Variants in DOP1A observed in about 807,000 individuals in gnomAD.
DOP1A encodes DOP1 leucine zipper like protein A, also known as protein DOP1A.
DOP1A carries 90 observed loss-of-function variants against 267.6 expected under a neutral mutation model. The observed-to-expected ratio is 0.34, with a 90% CI of 0.28 to 0.40. DOP1A has a LOEUF of 0.40. Ranked by LOEUF, DOP1A falls within the 10% of genes least tolerant of loss-of-function variation. The pLI, the probability that DOP1A is intolerant of heterozygous loss-of-function variation, is 1.00. For synonymous variants in DOP1A, 932 were observed against 999.1 expected (o/e 0.93, Z 1.27); for missense variants, 2,437 against 2,900.4 (o/e 0.84, Z 3.67).
At position 83,124,695 on chromosome 6, in the gene DOP1A, G is replaced by A; in HGVS notation, c.1341-10G>A. The A allele has an allele frequency of 6.2e-7, 1 of 1,601,054 alleles. No homozygotes were observed. Among genetic ancestry groups the A allele is most frequent in the Non-Finnish European group, 8.5e-7 (1 of 1,169,596 alleles). On this transcript the variant is annotated splice_polypyrimidine_tract_variant and intron_variant, in intron 12 of 38. Coordinates refer to ENST00000349129, the MANE Select transcript of DOP1A (RefSeq NM_015018.4). ...CAGTATACTTAATAAAGTGAATTTT[G>A]TCCTTTTAGGAGGACACTGCATGTG...
chr6:83,127,954 A>G (rs1777455972), intron 15 of DOP1A, among the ~76,000 whole-genome samples: 2 of 152,170 alleles, frequency 1.3e-5, no homozygotes, highest in Admixed American at 6.5e-5. Context: ...TAACTAGTGA[A>G]TGGCAGAGCC....
At chr6:83,110,346 A>G (rs1233137515) in intron 6 of DOP1A, 32 bp downstream of exon 6, 1 of 1,596,430 alleles carries the variant, frequency 6.3e-7, no homozygotes. Context: ...CTCATTTCAC[A>G]AATATTTCTT....
intron 1 of DOP1A, among the ~76,000 whole-genome samples, chr6:83,088,419 CTTTTTTTTTTT>C (rs746293399): frequency 8.7e-6 from 1 of 115,584 alleles, no homozygotes; most frequent in Non-Finnish European, 1.7e-5. Flanking sequence ...TGTCTTCCAT[CTTTTTTTTTTT>C]TTTTTTTTTT....
rs113920873 is a variant in DOP1A at position 83,073,144 on chromosome 6, A to G, written c.-147+5365A>G. ...TTTGCCCAGGCTGGAGTGCAGTGGC[A>G]TGATCTCGGCTCACTGCAACCTCTA... On this transcript the variant is annotated intron_variant, in intron 1 of 38. Transcript: ENST00000349129. 1,403 of 188,266 alleles carry G rather than the reference A, an allele frequency of 7.5e-3. 19 individuals are homozygous for G. Among genetic ancestry groups the G allele is most frequent in the African/African-American group, 0.032 (1,325 of 41,970 alleles). 11.7% of individuals were successfully genotyped at this position (188,266 alleles called of 1,614,324 possible).
At chr6:83,139,643 A>G (rs73749713) in intron 21 of DOP1A, among the ~76,000 whole-genome samples, 1,762 of 152,258 alleles carry the variant, frequency 0.012, 42 homozygotes, top group African/African-American at 0.041. Flanking sequence ...GTTCCAGTAG[A>G]CTGTCATTTT....
At chr6:83,105,488 C>G (rs1773457607) in intron 4 of DOP1A, among the ~76,000 whole-genome samples, 1 of 150,970 alleles carries the variant, frequency 6.6e-6, no homozygotes, top group African/African-American at 2.4e-5. Flanking sequence ...TCTCAGCCTC[C>G]CAAGTAGCTA....
intron 25 of DOP1A, among the ~76,000 whole-genome samples, chr6:83,145,878 A>G (rs1030322866): frequency 2.0e-5 from 3 of 152,220 alleles, no homozygotes; most frequent in Non-Finnish European, 4.4e-5. Context: ...AACTGCTCAT[A>G]TCTTCATATG....
At position 83,086,954 on chromosome 6, in the gene DOP1A, G is replaced by A. The variant is rs535756054; in HGVS notation, c.-146-9777G>A. ...TAGTTTTAGACCATGAGAGATTCGG[G>A]GGGTAGACTTTAGGCTGTAGACAGG... is the stretch of plus-strand genomic sequence containing the variant. On this transcript the variant is annotated intron_variant, in intron 1 of 38. Transcript: ENST00000349129. Among the ~76,000 whole-genome samples the A allele has an allele frequency of 2.6e-5, 4 of 152,118 alleles. No individual in the cohort carries two copies. In the South Asian group the frequency reaches 6.2e-4, roughly 24 times the overall value.
Position 83,159,970 on chromosome 6 carries a change from A to G in DOP1A, c.6962+10A>G, listed in dbSNP as rs766131092. 1.2e-6 allele frequency: 2 copies of G among 1,613,490 alleles called. No homozygotes were observed. The highest frequency in any genetic ancestry group is 4.5e-5 in the East Asian group (2 of 44,892). Reference sequence around the variant, plus strand: ...TTCCTCAGTTTCAGATGTAAGTAAAAGCAAGGATATTAAATGGTTATTTTT... The same window carrying G: ...TTCCTCAGTTTCAGATGTAAGTAAAGGCAAGGATATTAAATGGTTATTTTT... On this transcript the variant is annotated intron_variant, in intron 37 of 38. Transcript: ENST00000349129.
chr6:83,093,455 CTATAT>C (rs1770843243), intron 1 of DOP1A, among the ~76,000 whole-genome samples: 1 of 152,130 alleles, frequency 6.6e-6, no homozygotes, highest in Non-Finnish European at 1.5e-5. Flanking sequence ...TACTCATTGG[CTATAT>C]TCTCTAGTGG....
chr6:83,111,081 G>GT (rs1463074926), intron 6 of DOP1A, among the ~76,000 whole-genome samples: 1 of 151,914 alleles, frequency 6.6e-6, no homozygotes, highest in Non-Finnish European at 1.5e-5. Flanking sequence ...CTATAGTTTT[G>GT]TTTTTTCTAG....
At chr6:83,142,510 AAAAT>A (rs776852749) in intron 24 of DOP1A, among the ~76,000 whole-genome samples, 7 of 152,160 alleles carry the variant, frequency 4.6e-5, no homozygotes, top group East Asian at 3.9e-4. Flanking sequence ...TCTTCCTCAA[AAAAT>A]AAATAAATAA....
In DOP1A at chr6:83,113,337, T is replaced by C. The variant is rs1376195128; in HGVS notation, c.696T>C (p.Ser232=). ...SDIELMVEAV[S]TSVQDSSVLV... is the part of the protein sequence containing the mutation. ...TGTTATTTCAGGTAGAAGCAGTAAG[T>C]ACTTCAGTGCAGGACTCAAGTGTAC... is the stretch of plus-strand genomic sequence containing the variant. Residue 232 remains serine (S), a synonymous_variant, in exon 7 of 39, where the codon AGT becomes AGC. Transcript: ENST00000349129. 6.2e-7 allele frequency: 1 copy of C among 1,612,236 alleles called. No homozygotes were observed. The highest frequency in any genetic ancestry group is 1.7e-5 in the Admixed American group (1 of 59,968).
rs757410239 is a variant in DOP1A, at chr6:83,108,927, T to C, written c.338T>C (p.Leu113Pro). Residue 113 changes from leucine (L) to proline (P), a missense_variant, in exon 5 of 39, where the codon CTT becomes CCT. Leu to Pro is a moderately conservative substitution (Grantham distance 98). Transcript: ENST00000349129. ...TTTAATAGTTCTGGATTATTTCCTC[T>C]TCTTGCAAATGCTGCCATGTCTGTG... is the stretch of plus-strand genomic sequence containing the variant. ...LFLYSSGLFP[L>P]LANAAMSVKP... 6.2e-7 allele frequency: 1 copy of C among 1,612,690 alleles called. No homozygotes were observed. The highest frequency in any genetic ancestry group is 1.1e-5 in the South Asian group (1 of 90,818).
intron 38 of DOP1A, 115 bp downstream of exon 38, chr6:83,163,034 A>G: frequency 8.3e-7 from 1 of 1,210,026 alleles, no homozygotes; most frequent in South Asian, 1.8e-5. Flanking sequence ...GCTATTTTGA[A>G]AACAAGTCCC....
At chr6:83,167,836 AC>A (rs1229995849) in intron 38 of DOP1A, 25 bp from the exon 39 acceptor site, 1 of 1,586,668 alleles carries the variant, frequency 6.3e-7, no homozygotes, top group Non-Finnish European at 8.6e-7. Context: ...TTGTATTAAT[AC>A]CAGTTCACTT....
In DOP1A at chr6:83,098,201, A is replaced by G. The variant is rs7741177; in HGVS notation, c.138+1086A>G. On this transcript the variant is annotated intron_variant, in intron 3 of 38. Coordinates refer to ENST00000349129, the MANE Select transcript of DOP1A (RefSeq NM_015018.4). ...TACCCAGCCTATCAAATAGCTTAAC[A>G]TACAAATTAGGAAAGAAGTTTGTCT... Among the ~76,000 whole-genome samples, 4 of 152,206 alleles carry G rather than the reference A, an allele frequency of 2.6e-5. No homozygotes were observed. The East Asian group carries it at 7.7e-4, about 29-fold the overall frequency.
chr6:83,121,471 C>T (rs924119977), intron 10 of DOP1A, among the ~76,000 whole-genome samples: 1 of 151,430 alleles, frequency 6.6e-6, no homozygotes, highest in Non-Finnish European at 1.5e-5. Flanking sequence ...GAAAATTTAG[C>T]CTTATGCATT....
At chr6:83,094,113 T>G (rs537461802) in intron 1 of DOP1A, among the ~76,000 whole-genome samples, 1 of 152,314 alleles carries the variant, frequency 6.6e-6, no homozygotes, top group African/African-American at 2.4e-5. Context: ...ACTAATTTAC[T>G]TTGTCTCTAT....
Sources: gnomAD v4.1 joint callset for allele counts (sites outside exome capture counted in the v4.1 genomes callset) on GRCh38, gnomAD v4.1.1 for gene constraint, MANE v1.5 for transcripts, NCBI Gene and HGNC (gene_info 2026-07-23, HGNC 2026-07-21) for gene names.